Variants in KCNB2 observed in about 807,000 individuals in gnomAD.
The protein encoded by KCNB2 is delayed rectifier potassium channel protein.
A neutral mutation model predicts 61.5 loss-of-function variants in KCNB2; 15 were observed. The observed-to-expected ratio is 0.24, with a 90% CI of 0.16 to 0.38. KCNB2 has a LOEUF of 0.38. KCNB2 is among the 10% of genes least tolerant of loss of function. The pLI is 1.00. For missense variants in KCNB2, 828 were observed against 1,125.2 expected, an observed-to-expected ratio of 0.74 and a Z score of 3.78; for synonymous variants, 457 against 446.0, an observed-to-expected ratio of 1.02 and a Z score of -0.31.
At chr8:72,817,172 G>A (rs1029505555) in intron 2 of KCNB2, among the ~76,000 whole-genome samples, 4 of 152,152 alleles carry the variant, frequency 2.6e-5, no homozygotes, top group African/African-American at 9.7e-5. Flanking sequence ...GAATCAAAGA[G>A]TGTCTGCTTA....
intron 2 of KCNB2, among the ~76,000 whole-genome samples, chr8:72,695,930 G>A (rs1299787980): frequency 6.6e-6 from 1 of 152,164 alleles, no homozygotes; most frequent in Admixed American, 6.6e-5. Context: ...GTTGCACAAG[G>A]TGACACATCA....
rs562176439 is a variant in KCNB2 at position 72,634,351 on chromosome 8, G to A, written c.579+66038G>A. Among the ~76,000 whole-genome samples, 219 of 152,186 alleles carry A rather than the reference G, an allele frequency of 1.4e-3. 1 individual carries two copies. The highest frequency in any genetic ancestry group is 4.8e-3 in the African/African-American group (201 of 41,520). On this transcript the variant is annotated intron_variant, in intron 2 of 2. Transcript: ENST00000523207. ...TTAAACACTAACATGCTCATGAATC[G>A]CCTAAGATCTTAACATTCACATTCT... is the stretch of plus-strand genomic sequence containing the variant.
At chr8:72,821,693 A>G (rs946200987) in intron 2 of KCNB2, among the ~76,000 whole-genome samples, 1 of 150,878 alleles carries the variant, frequency 6.6e-6, no homozygotes, top group Non-Finnish European at 1.5e-5. Context: ...AGTGTGTGGA[A>G]CTGGAAAAAA....
chr8:72,604,244 G>A (rs1428866363), intron 2 of KCNB2, among the ~76,000 whole-genome samples: 2 of 152,142 alleles, frequency 1.3e-5, no homozygotes, highest in African/African-American at 4.8e-5. Context: ...TAACTACTTA[G>A]AACACAACCT....
At chr8:72,611,741 T>A (rs1805543976) in intron 2 of KCNB2, among the ~76,000 whole-genome samples, 1 of 152,190 alleles carries the variant, frequency 6.6e-6, no homozygotes. Flanking sequence ...ACTTTTTGCC[T>A]TATATTGGTG....
At chr8:72,575,998 T>A (rs1806788967) in intron 2 of KCNB2, among the ~76,000 whole-genome samples, 1 of 152,252 alleles carries the variant, frequency 6.6e-6, no homozygotes, top group African/African-American at 2.4e-5. Context: ...AGACTCTGTC[T>A]GTTTACCCAT....
intron 2 of KCNB2, among the ~76,000 whole-genome samples, chr8:72,581,092 G>A (rs1806885859): frequency 6.6e-6 from 1 of 152,092 alleles, no homozygotes; most frequent in Admixed American, 6.6e-5. Flanking sequence ...GTCTAGACAG[G>A]TTGTTCACTG....
rs75583130 is a variant in KCNB2 at position 72,659,342 on chromosome 8, C to T, written c.579+91029C>T. ...ATGTGACTGAATTGCTGCAATGACA[C>T]GATTTGTCTTTAATAGATGAGGAGT... On this transcript the variant is annotated intron_variant, in intron 2 of 2. Coordinates refer to ENST00000523207, the MANE Select transcript of KCNB2 (RefSeq NM_004770.3). Among the ~76,000 whole-genome samples the T allele has an allele frequency of 8.7e-3, 1,317 of 152,206 alleles. 13 individuals are homozygous for T. Among genetic ancestry groups the T allele is most frequent in the Non-Finnish European group, 0.015 (1,026 of 68,020 alleles).
intron 2 of KCNB2, among the ~76,000 whole-genome samples, chr8:72,797,909 T>A (rs781349347): frequency 9.9e-5 from 15 of 152,212 alleles, no homozygotes; most frequent in Non-Finnish European, 1.6e-4. Flanking sequence ...TGACCAAAAC[T>A]TTTAAAATTT....
intron 2 of KCNB2, among the ~76,000 whole-genome samples, chr8:72,572,311 T>C (rs186915179): frequency 3.9e-4 from 60 of 152,222 alleles, no homozygotes; most frequent in African/African-American, 1.4e-3. Context: ...AGGTGTCAGG[T>C]CAGGAAGCTA....
chr8:72,609,413 G>A (rs767490006), intron 2 of KCNB2, among the ~76,000 whole-genome samples: 9 of 152,142 alleles, frequency 5.9e-5, no homozygotes, highest in East Asian at 1.9e-4. Flanking sequence ...AAGAAGTTCC[G>A]TTAGAAGTGA....
intron 2 of KCNB2, among the ~76,000 whole-genome samples, chr8:72,825,831 C>A (rs1392473345): frequency 1.3e-5 from 2 of 152,134 alleles, no homozygotes; most frequent in South Asian, 2.1e-4. Context: ...CTAATATATT[C>A]TCCTGCTCCA....
At chr8:72,929,810 A>G (rs1385322228) in intron 2 of KCNB2, among the ~76,000 whole-genome samples, 1 of 151,708 alleles carries the variant, frequency 6.6e-6, no homozygotes, top group Non-Finnish European at 1.5e-5. Context: ...TTCTTTTTTT[A>G]TTATTATACT....
intron 2 of KCNB2, among the ~76,000 whole-genome samples, chr8:72,763,029 G>A (rs906973578): frequency 4.4e-5 from 6 of 135,666 alleles, no homozygotes; most frequent in Non-Finnish European, 7.7e-5. Flanking sequence ...TATCTTCAAC[G>A]AGAACTTTGC....
intron 2 of KCNB2, among the ~76,000 whole-genome samples, chr8:72,800,088 T>C (rs972998164): frequency 5.3e-5 from 8 of 152,142 alleles, no homozygotes; most frequent in Admixed American, 4.6e-4. Flanking sequence ...GTTTTGAGCA[T>C]GGAACTGAAA....
intron 2 of KCNB2, among the ~76,000 whole-genome samples, chr8:72,803,338 C>T (rs770363805): frequency 1.3e-5 from 2 of 152,164 alleles, no homozygotes; most frequent in African/African-American, 2.4e-5. Flanking sequence ...GTTTCAGATG[C>T]CCATGTCTTG....
intron 2 of KCNB2, among the ~76,000 whole-genome samples, chr8:72,623,854 A>C (rs1805748765): frequency 6.6e-6 from 1 of 152,202 alleles, no homozygotes; most frequent in Non-Finnish European, 1.5e-5. Context: ...CATCAGACCC[A>C]CTGAGGCTGG....
At chr8:72,895,047 T>C (rs753094832) in intron 2 of KCNB2, among the ~76,000 whole-genome samples, 3 of 152,044 alleles carry the variant, frequency 2.0e-5, no homozygotes, top group Non-Finnish European at 2.9e-5. Context: ...GGAAAATGGA[T>C]CAACAGTCAC....
intron 1 of KCNB2, among the ~76,000 whole-genome samples, 181 bp from the exon 2 acceptor site, chr8:72,567,461 C>T (rs1428899432): frequency 6.6e-6 from 1 of 152,122 alleles, no homozygotes; most frequent in Non-Finnish European, 1.5e-5. Context: ...TCTTTTCCCC[C>T]TTTCCTATAT....
Sources: allele counts gnomAD v4.1 joint callset (sites outside exome capture counted in the v4.1 genomes callset), GRCh38; gene constraint gnomAD v4.1.1; transcripts MANE v1.5; gene names NCBI Gene and HGNC (gene_info 2026-07-23, HGNC 2026-07-21).